Variants in DLGAP2 observed in about 807,000 individuals in gnomAD.
DLGAP2 encodes the protein DLG associated protein 2, also known as disks large-associated protein 2.
In DLGAP2, 26 loss-of-function variants were observed where a neutral mutation model predicts 100.3. That is an observed-to-expected ratio of 0.26 (90% CI 0.19 to 0.36). DLGAP2 has a LOEUF of 0.36. Ranked by LOEUF, DLGAP2 falls within the 10% of genes least tolerant of loss-of-function variation. The pLI is 1.00. For missense variants in DLGAP2, 1,858 were observed against 1,453.2 expected (o/e 1.28, Z -4.53); for synonymous variants, 886 against 630.1 (o/e 1.41, Z -6.08).
chr8:1,184,696 G>C (rs1000023673), intron 2 of DLGAP2, among the ~76,000 whole-genome samples: 10 of 152,188 alleles, frequency 6.6e-5, no homozygotes, highest in African/African-American at 2.4e-4. Context: ...TGTGGTTAGG[G>C]AGCAGGAGGA....
At chr8:1,227,515 A>G (rs533219237) in intron 2 of DLGAP2, among the ~76,000 whole-genome samples, 1 of 144,910 alleles carries the variant, frequency 6.9e-6, no homozygotes, top group Non-Finnish European at 1.5e-5. Context: ...TTTTTTTTTG[A>G]TGGAGTTCTG....
At chr8:1,054,704 A>T (rs750377366) in intron 2 of DLGAP2, among the ~76,000 whole-genome samples, 1 of 152,198 alleles carries the variant, frequency 6.6e-6, no homozygotes, top group Non-Finnish European at 1.5e-5. Context: ...GCAGGAATTA[A>T]CATTATTTGG....
chr8:863,365 C>G (rs1391581962), intron 1 of DLGAP2, among the ~76,000 whole-genome samples: 3 of 152,140 alleles, frequency 2.0e-5, no homozygotes, highest in Admixed American at 6.5e-5. Context: ...TGATGACATC[C>G]CAAATATTTA....
At chr8:1,683,948 A>ATGTG (rs1309074362) in intron 12 of DLGAP2, among the ~76,000 whole-genome samples, 3 of 35,728 alleles carry the variant, frequency 8.4e-5, no homozygotes, top group African/African-American at 4.1e-4. Context: ...GTATATATAT[A>ATGTG]TGTGTGTATA....
rs532375295 is a variant in DLGAP2 at position 1,270,868 on chromosome 8, T to A, written c.106+11985T>A. 2.0e-3 allele frequency among the ~76,000 whole-genome samples: 302 copies of A among 152,150 alleles called. 2 individuals carry two copies. Among genetic ancestry groups the A allele is most frequent in the African/African-American group, 7.0e-3 (289 of 41,514 alleles). ...CAGAGTGAAACCTCTGCTGTCAGGG[T>A]CTGATTTTTATTTTCTAGATGTTCT... On this transcript the variant is annotated intron_variant, in intron 3 of 14. Transcript: ENST00000637795.
In DLGAP2 at chr8:1,471,595, C is replaced by T. The variant is rs1052508787; in HGVS notation, c.107-29771C>T. Among the ~76,000 whole-genome samples, 35 of 151,604 alleles carry T rather than the reference C, an allele frequency of 2.3e-4. 1 individual carries two copies. The highest frequency in any genetic ancestry group is 8.2e-4 in the African/African-American group (34 of 41,310). On this transcript the variant is annotated intron_variant, in intron 3 of 14. Coordinates refer to ENST00000637795, the MANE Select transcript of DLGAP2 (RefSeq NM_001346810.2). The stretch of plus-strand genomic sequence containing the variant: ...CCTCCCCAGCCTCCCTCCTAACCTC[C>T]TCTCACCTCCTGCCCACAGCCCACT...
At chr8:998,466 AAT>A (rs1800851088) in intron 2 of DLGAP2, among the ~76,000 whole-genome samples, 1 of 143,014 alleles carries the variant, frequency 7.0e-6, no homozygotes, top group South Asian at 2.2e-4. Flanking sequence ...ATGCCCAGCT[AAT>A]TTTTTTTTTT....
chr8:1,129,572 C>A (rs1033668312), intron 2 of DLGAP2, among the ~76,000 whole-genome samples: 3 of 152,114 alleles, frequency 2.0e-5, no homozygotes, highest in African/African-American at 7.2e-5. Context: ...TCGAGAGGGG[C>A]ACCTGCTCCC....
At chr8:848,985 G>T (rs1340578180) in intron 1 of DLGAP2, among the ~76,000 whole-genome samples, 1 of 151,964 alleles carries the variant, frequency 6.6e-6, no homozygotes, top group East Asian at 1.9e-4. Context: ...TGAGGTGCCT[G>T]TTCCAGCATA....
chr8:1,287,524 G>T (rs796157506), intron 3 of DLGAP2, among the ~76,000 whole-genome samples: 1 of 50,786 alleles, frequency 2.0e-5, no homozygotes, highest in Admixed American at 2.4e-4. Flanking sequence ...ACTAGTTTTG[G>T]TTCAGTGTGT....
intron 9 of DLGAP2, among the ~76,000 whole-genome samples, 197 bp from the exon 10 acceptor site, chr8:1,669,546 G>A (rs1042673542): frequency 2.0e-5 from 3 of 152,220 alleles, no homozygotes; most frequent in South Asian, 2.1e-4. Flanking sequence ...TTCAGCCTGC[G>A]TTCCTCGGAG....
At chr8:1,504,699 A>G (rs753501651) in intron 4 of DLGAP2, among the ~76,000 whole-genome samples, 2 of 152,118 alleles carry the variant, frequency 1.3e-5, no homozygotes, top group Non-Finnish European at 2.9e-5. Flanking sequence ...AGGCTCATCT[A>G]TGTTGTTGCA....
intron 2 of DLGAP2, among the ~76,000 whole-genome samples, chr8:1,130,800 G>A (rs1294764921): frequency 2.6e-5 from 4 of 152,186 alleles, no homozygotes; most frequent in Non-Finnish European, 5.9e-5. Flanking sequence ...CACGCCCCCA[G>A]CTCTGCAGCG....
chr8:1,021,224 C>T (rs1441071490), intron 2 of DLGAP2, among the ~76,000 whole-genome samples: 1 of 152,090 alleles, frequency 6.6e-6, no homozygotes, highest in Non-Finnish European at 1.5e-5. Flanking sequence ...ACATCAGAAA[C>T]ATAAGAAGGA....
chr8:843,894 G>C (rs1320814736), intron 1 of DLGAP2, among the ~76,000 whole-genome samples: 1 of 152,180 alleles, frequency 6.6e-6, no homozygotes, highest in Non-Finnish European at 1.5e-5. Flanking sequence ...ATATGTTTAA[G>C]TCATTGAAGT....
At chr8:1,093,499 A>C (rs1804256576) in intron 2 of DLGAP2, among the ~76,000 whole-genome samples, 1 of 151,888 alleles carries the variant, frequency 6.6e-6, no homozygotes, top group South Asian at 2.1e-4. Context: ...ACAGCCAGAA[A>C]CACCTTCACA....
intron 2 of DLGAP2, among the ~76,000 whole-genome samples, chr8:1,238,574 C>T (rs1389483733): frequency 3.1e-4 from 21 of 66,700 alleles, no homozygotes; most frequent in Non-Finnish European, 4.1e-4. Context: ...TCTCCCATGG[C>T]GCCGTGTCTA....
At chr8:1,006,718 C>A in intron 2 of DLGAP2, among the ~76,000 whole-genome samples, 1 of 112,134 alleles carries the variant, frequency 8.9e-6, no homozygotes, top group South Asian at 3.7e-4. Context: ...TTTATCACAT[C>A]AGGGACACCG....
intron 6 of DLGAP2, among the ~76,000 whole-genome samples, chr8:1,569,167 C>A (rs1223177320): frequency 6.6e-6 from 1 of 152,088 alleles, no homozygotes; most frequent in Non-Finnish European, 1.5e-5. Context: ...GCCCACTCAG[C>A]AGACACAAAT....
Sources: gnomAD v4.1 joint callset for allele counts (sites outside exome capture counted in the v4.1 genomes callset) on GRCh38, gnomAD v4.1.1 for gene constraint, MANE v1.5 for transcripts, NCBI Gene and HGNC (gene_info 2026-07-23, HGNC 2026-07-21) for gene names.